Variants in PLS3 observed in about 807,000 individuals in gnomAD.
PLS3 encodes plastin 3.
A neutral mutation model predicts 46.5 loss-of-function variants in PLS3; 11 were observed. The observed-to-expected ratio is 0.24, with a 90% confidence interval of 0.15 to 0.39. The LOEUF (loss-of-function observed/expected upper bound fraction) is 0.39, where lower values mean the gene tolerates loss of function less well. Among genes scored for constraint, PLS3 ranks in the 10% least tolerant of loss-of-function variants. The pLI, the probability that PLS3 is intolerant of heterozygous loss-of-function variation, is 1.00. For synonymous variants in PLS3, 167 were observed against 162.2 expected, an observed-to-expected ratio of 1.03 and a Z score of -0.22; for missense variants, 308 against 461.8, an observed-to-expected ratio of 0.67 and a Z score of 3.05.
At chrX:115,644,743 G>C (rs2074934045) in intron 10 of PLS3, among the ~76,000 whole-genome samples, 1 of 111,457 alleles carries the variant, frequency 9.0e-6, no homozygotes, top group Admixed American at 9.6e-5. Flanking sequence ...ATTGGAGAAA[G>C]ATTTGAGAAG....
At chrX:115,637,646 G>A (rs1451235000) in intron 8 of PLS3, among the ~76,000 whole-genome samples, 1 of 111,512 alleles carries the variant, frequency 9.0e-6, no homozygotes, top group African/African-American at 3.3e-5. Flanking sequence ...TCATGCAGAG[G>A]GCCAACATTA....
chrX:115,616,975 C>T (rs1440187273), intron 2 of PLS3, among the ~76,000 whole-genome samples: 1 of 111,542 alleles, frequency 9.0e-6, no homozygotes, highest in Non-Finnish European at 1.9e-5. Flanking sequence ...TTTTAGAAGA[C>T]GACGCACATT....
intron 1 of PLS3, among the ~76,000 whole-genome samples, chrX:115,607,563 ATC>A (rs2074506429): frequency 9.5e-6 from 1 of 104,774 alleles, no homozygotes; most frequent in Non-Finnish European, 1.9e-5. Flanking sequence ...CAGTGGTACG[ATC>A]TCCGCTCACT....
chrX:115,635,127 G>GTGA, intron 7 of PLS3, 81 bp downstream of exon 7: 1 of 821,416 alleles, frequency 1.2e-6, no homozygotes, highest in Non-Finnish European at 1.8e-6. Flanking sequence ...CTCACTTAAT[G>GTGA]GAGGTGATTA....
intron 8 of PLS3, among the ~76,000 whole-genome samples, chrX:115,638,584 G>A (rs1341158840): frequency 2.7e-5 from 3 of 112,238 alleles, no homozygotes; most frequent in Non-Finnish European, 5.6e-5. Flanking sequence ...ATGCGTTCCT[G>A]AAAATCAGCA....
rs186317259 is a variant in PLS3, at chrX:115,613,996, G to A, written c.73+3673G>A. 2.8e-3 allele frequency among the ~76,000 whole-genome samples: 309 copies of A among 110,450 alleles called. 1 individual carries two copies. The highest frequency in any genetic ancestry group is 4.3e-3 in the Non-Finnish European group (229 of 52,789). ...TTGTTTATTTATTTTTTTTGAGACG[G>A]AGTCTCGCTCTGTCACCCAGGCTGG... On this transcript the variant is annotated intron_variant, in intron 2 of 15. Transcript: ENST00000355899.
chrX:115,571,210 G>T (rs1200166626), intron 1 of PLS3, among the ~76,000 whole-genome samples: 2 of 109,171 alleles, frequency 1.8e-5, no homozygotes, highest in Non-Finnish European at 3.8e-5. Context: ...TTATTCTTTT[G>T]TGAGGATATG....
chrX:115,577,126 C>T (rs1218675515), intron 1 of PLS3, among the ~76,000 whole-genome samples: 5 of 111,378 alleles, frequency 4.5e-5, no homozygotes, highest in Non-Finnish European at 9.4e-5. Context: ...AGTGCCTCTT[C>T]CCTGAATCAG....
chrX:115,588,234 T>C (rs975803892), intron 1 of PLS3, among the ~76,000 whole-genome samples: 1 of 112,241 alleles, frequency 8.9e-6, no homozygotes, highest in Middle Eastern at 4.2e-3. Flanking sequence ...CTCTCGAGTT[T>C]TGGTGTAGTA....
chrX:115,615,251 A>G (rs183532319), intron 2 of PLS3, among the ~76,000 whole-genome samples: 1 of 110,994 alleles, frequency 9.0e-6, no homozygotes, highest in Non-Finnish European at 1.9e-5. Context: ...AAGTACTTAA[A>G]ATAGCTTAAA....
At chrX:115,615,517 G>C (rs903796534) in intron 2 of PLS3, among the ~76,000 whole-genome samples, 1 of 105,580 alleles carries the variant, frequency 9.5e-6, no homozygotes, top group African/African-American at 3.5e-5. Context: ...GAGAGAGAGA[G>C]AGAGAGAGAG....
intron 2 of PLS3, among the ~76,000 whole-genome samples, chrX:115,620,379 C>T (rs868923127): frequency 9.0e-6 from 1 of 111,454 alleles, no homozygotes; most frequent in Non-Finnish European, 1.9e-5. Flanking sequence ...TCCCTTACCT[C>T]ATGGAAGTCT....
At chrX:115,617,290 G>A (rs2074607095) in intron 2 of PLS3, among the ~76,000 whole-genome samples, 1 of 111,809 alleles carries the variant, frequency 8.9e-6, no homozygotes, top group African/African-American at 3.3e-5. Flanking sequence ...CCTCCTTGAT[G>A]GGTGTGTTCA....
intron 1 of PLS3, among the ~76,000 whole-genome samples, chrX:115,605,850 T>TA (rs1265924673): frequency 3.6e-5 from 4 of 111,756 alleles, no homozygotes; most frequent in African/African-American, 1.3e-4. Flanking sequence ...TTTTTTCTTC[T>TA]AAAAAAATGG....
chrX:115,643,080 TAGTTA>T (rs2074914342), intron 9 of PLS3, among the ~76,000 whole-genome samples: 1 of 111,690 alleles, frequency 9.0e-6, no homozygotes, highest in South Asian at 3.8e-4. Context: ...TAATGCAATT[TAGTTA>T]AATGTACTCA....
chrX:115,599,653 G>GGT (rs2074424236), intron 1 of PLS3, among the ~76,000 whole-genome samples: 2 of 102,799 alleles, frequency 1.9e-5, no homozygotes, highest in African/African-American at 7.2e-5. Context: ...ATTATTTTGA[G>GGT]GTGGAGTCTT....
At chrX:115,643,219 A>C in intron 9 of PLS3, 94 bp from the exon 10 acceptor site, 1 of 548,933 alleles carries the variant, frequency 1.8e-6, no homozygotes, top group Non-Finnish European at 3.1e-6. Context: ...TAGCTAAAAG[A>C]AAGTAGAACT....
intron 2 of PLS3, among the ~76,000 whole-genome samples, chrX:115,613,217 C>A (rs2147495536): frequency 9.0e-6 from 1 of 111,105 alleles, no homozygotes; most frequent in South Asian, 3.8e-4. Context: ...GAATTCAGCA[C>A]TTTTGAAATA....
chrX:115,602,417 T>C (rs138474516), intron 1 of PLS3, among the ~76,000 whole-genome samples: 30 of 111,846 alleles, frequency 2.7e-4, no homozygotes, highest in African/African-American at 8.8e-4. Flanking sequence ...TTAGTAATCA[T>C]AGTATGAATA....
Sources: gnomAD v4.1 joint callset for allele counts (sites outside exome capture counted in the v4.1 genomes callset) on GRCh38, gnomAD v4.1.1 for gene constraint, MANE v1.5 for transcripts, NCBI Gene and HGNC (gene_info 2026-07-23, HGNC 2026-07-21) for gene names.